The following VDAC1 variants were observed in gnomAD, a reference collection of about 807,000 sequenced individuals.
VDAC1 encodes the protein non-selective voltage-gated ion channel VDAC1.
A neutral mutation model predicts 34.7 loss-of-function variants in VDAC1; 10 were observed. The ratio of observed to expected loss-of-function variants is 0.29; its 90% CI spans 0.18 to 0.49. The LOEUF (loss-of-function observed/expected upper bound fraction) is 0.49, where lower values mean the gene tolerates loss of function less well. VDAC1 is among the 20% of genes least tolerant of loss of function. The probability of loss-of-function intolerance (pLI) is 0.99; values close to 1 mark genes in which losing one functional copy is unlikely to be tolerated. For synonymous variants in VDAC1, 130 were observed against 136.0 expected, an observed-to-expected ratio of 0.96 and a Z score of 0.30; for missense variants, 230 against 347.9, an observed-to-expected ratio of 0.66 and a Z score of 2.69.
intron 6 of VDAC1, among the ~76,000 whole-genome samples, chr5:133,978,820 C>G (rs2126911872): frequency 6.6e-6 from 1 of 152,208 alleles, no homozygotes; most frequent in African/African-American, 2.4e-5. Flanking sequence ...CAAGAACAAC[C>G]TGGGCAACAT....
chr5:134,103,664 C>A, the VDAC1 span, among the ~76,000 whole-genome samples: 1 of 152,208 alleles, frequency 6.6e-6, no homozygotes, highest in East Asian at 1.9e-4. Flanking sequence ...GTATGAGTCC[C>A]AGCAGCCAAA....
intron 7 of VDAC1, among the ~76,000 whole-genome samples, chr5:133,975,227 C>T (rs1336553734): frequency 2.0e-5 from 3 of 151,966 alleles, no homozygotes; most frequent in Admixed American, 2.0e-4. Context: ...GCAATTACAC[C>T]ACTGCATCCA....
the VDAC1 span, among the ~76,000 whole-genome samples, chr5:134,109,167 T>C: frequency 9.2e-5 from 14 of 152,304 alleles, no homozygotes; most frequent in African/African-American, 2.6e-4. Flanking sequence ...ATCCAAAAAC[T>C]TCTGAGCACC....
intron 4 of VDAC1, 44 bp from the exon 5 acceptor site, chr5:133,990,951 G>A (rs536423542): frequency 1.2e-6 from 2 of 1,605,170 alleles, no homozygotes; most frequent in African/African-American, 2.7e-5. Flanking sequence ...TCACAAGGCA[G>A]GCTGGCAGAT....
chr5:134,085,394 G>A, the VDAC1 span, among the ~76,000 whole-genome samples: 1 of 151,936 alleles, frequency 6.6e-6, no homozygotes, highest in East Asian at 1.9e-4. Context: ...AAGAAACCTG[G>A]GAAGCCACTG....
chr5:133,994,833 C>T (rs984012582), intron 1 of VDAC1, among the ~76,000 whole-genome samples: 7 of 151,834 alleles, frequency 4.6e-5, no homozygotes, highest in African/African-American at 1.7e-4. Context: ...CAAACTCAGC[C>T]GGGGTGGGGG....
the VDAC1 span, among the ~76,000 whole-genome samples, chr5:134,017,300 C>G: frequency 3.9e-5 from 6 of 151,984 alleles, no homozygotes; most frequent in Non-Finnish European, 8.8e-5. Context: ...AACCCCATCT[C>G]TACTAAAAAT....
At chr5:134,024,863 C>T in the VDAC1 span, among the ~76,000 whole-genome samples, 1 of 152,214 alleles carries the variant, frequency 6.6e-6, no homozygotes, top group African/African-American at 2.4e-5. Flanking sequence ...GAGAGAGGCT[C>T]AGCTGCCTCT....
chr5:133,975,688 A>G (rs2126897912), intron 7 of VDAC1, among the ~76,000 whole-genome samples, 183 bp downstream of exon 7: 1 of 152,000 alleles, frequency 6.6e-6, no homozygotes, highest in African/African-American at 2.4e-5. Flanking sequence ...CAGACTCCTG[A>G]CCTCAAGTGA....
the VDAC1 span, among the ~76,000 whole-genome samples, chr5:134,024,883 C>T: frequency 7.1e-4 from 108 of 152,328 alleles, no homozygotes; most frequent in Non-Finnish European, 1.3e-3. Flanking sequence ...TGCACCCACT[C>T]CCCTACCCCC....
chr5:133,999,049 G>A (rs1045192042), intron 1 of VDAC1, among the ~76,000 whole-genome samples: 8 of 152,222 alleles, frequency 5.3e-5, no homozygotes, highest in Non-Finnish European at 8.8e-5. Flanking sequence ...GGTGGCTCAC[G>A]CCTCTAATCC....
At chr5:134,081,237 C>T in the VDAC1 span, among the ~76,000 whole-genome samples, 1 of 152,210 alleles carries the variant, frequency 6.6e-6, no homozygotes, top group Non-Finnish European at 1.5e-5. Flanking sequence ...TGGGGTTTCA[C>T]CATGTTGGCC....
chr5:134,021,566 A>G, the VDAC1 span, among the ~76,000 whole-genome samples: 1 of 151,610 alleles, frequency 6.6e-6, no homozygotes, highest in Non-Finnish European at 1.5e-5. Context: ...TTAAAAAAAA[A>G]AAAAAGAAAA....
chr5:133,972,774 T>C lies in VDAC1; in HGVS notation c.849A>G (p.Ala283=). Residue 283 remains alanine (A), a synonymous_variant, in exon 9 of 9, where the codon GCA becomes GCG. Transcript: ENST00000265333. ...TAAACAATTGTACAGTATTCATTTA[T>C]GCTTGAAATTCCAGTCCTAGACCAA... The part of the protein sequence containing the change: ...HKLGLGLEFQ[A] The C allele has an allele frequency of 1.9e-6, 3 of 1,580,828 alleles. No homozygotes were observed. Among genetic ancestry groups the C allele is most frequent in the Non-Finnish European group, 1.7e-6 (2 of 1,150,306 alleles).
Position 133,975,914 on chromosome 5 carries a change from C to G in VDAC1, c.659G>C (p.Gly220Ala). The stretch of plus-strand genomic sequence containing the variant: ...GTCAATCTGATACTTGGCTGCTATT[C>G]CGAAGCGCGTGTTACTGTTTCCTGC... Reference protein sequence around the residue: ...WTAGNSNTRFGIAAKYQIDPD... With the variant: ...WTAGNSNTRFAIAAKYQIDPD... The change falls in exon 7 of 9, where the codon GGA becomes GCA. Residue 220 changes from glycine (G) to alanine (A), a missense_variant. By Grantham distance (60) the Gly-to-Ala change is moderately conservative (BLOSUM62 0). Coordinates refer to ENST00000265333, the MANE Select transcript of VDAC1 (RefSeq NM_003374.3). 1 of 1,612,580 alleles carries G rather than the reference C, an allele frequency of 6.2e-7. No individual in the cohort carries two copies. Among genetic ancestry groups the G allele is most frequent in the Non-Finnish European group, 8.5e-7 (1 of 1,179,862 alleles).
At chr5:134,059,908 A>G in the VDAC1 span, among the ~76,000 whole-genome samples, 2 of 146,334 alleles carry the variant, frequency 1.4e-5, no homozygotes, top group Non-Finnish European at 3.1e-5. Context: ...AGCCAAAGCC[A>G]GGCTTGGGCA....
At chr5:133,994,359 T>C (rs745698702) in intron 1 of VDAC1, among the ~76,000 whole-genome samples, 21 of 152,262 alleles carry the variant, frequency 1.4e-4, no homozygotes, top group Non-Finnish European at 2.6e-4. Flanking sequence ...CTCACTTTTG[T>C]GTCAGAGCAC....
chr5:134,033,280 C>A, the VDAC1 span, among the ~76,000 whole-genome samples: 1 of 151,200 alleles, frequency 6.6e-6, no homozygotes, highest in Non-Finnish European at 1.5e-5. Flanking sequence ...GCCTCAGCCT[C>A]CCAAGTAGCT....
At chr5:134,039,784 G>C in the VDAC1 span, among the ~76,000 whole-genome samples, 2 of 152,184 alleles carry the variant, frequency 1.3e-5, no homozygotes, top group African/African-American at 4.8e-5. Flanking sequence ...AAACCCTGCA[G>C]TCTCCAGGAG....
Sources: allele counts gnomAD v4.1 joint callset (sites outside exome capture counted in the v4.1 genomes callset), GRCh38; gene constraint gnomAD v4.1.1; transcripts MANE v1.5; gene names NCBI Gene and HGNC (gene_info 2026-07-23, HGNC 2026-07-21).